Variants in ZNF350 observed in about 807,000 individuals in gnomAD.
ZNF350 encodes KRAB zinc finger protein ZFQR.
A neutral mutation model predicts 13.1 loss-of-function variants in ZNF350; 5 were observed. The ratio of observed to expected loss-of-function variants is 0.38; its 90% confidence interval spans 0.20 to 0.80. The LOEUF (loss-of-function observed/expected upper bound fraction) is 0.80. Among genes scored for constraint, ZNF350 ranks in the 30% least tolerant of loss-of-function variants. The pLI is 0.43. For synonymous variants in ZNF350, 199 were observed against 224.2 expected, an observed-to-expected ratio of 0.89 and a Z score of 1.00; for missense variants, 534 against 644.2, an observed-to-expected ratio of 0.83 and a Z score of 1.85.
chr19:51,972,540 T>C (rs1451013351), intron 2 of ZNF350, among the ~76,000 whole-genome samples: 3 of 152,132 alleles, frequency 2.0e-5, no homozygotes, highest in African/African-American at 7.2e-5. Context: ...ATCATTGGTC[T>C]TTGGATGTTC....
Position 51,976,120 on chromosome 19 carries a change from A to G in ZNF350, c.-171-1589T>C, listed in dbSNP as rs1016976123. On this transcript the variant is annotated intron_variant, in intron 1 of 4. Transcript: ENST00000243644. The surrounding 1 kb of genome is among the most constrained non-coding windows in gnomAD (Gnocchi z 4.5). ...GGCGCCGTTATCTACTGCGACATCT[A>G]GAGAATGCAGTCTTGCAAGACTACT... Among the ~76,000 whole-genome samples the G allele has an allele frequency of 4.7e-5, 7 of 148,278 alleles. No individual in the cohort carries two copies. Among genetic ancestry groups the G allele is most frequent in the African/African-American group, 1.8e-4 (7 of 39,886 alleles).
Position 51,972,393 on chromosome 19 carries a change from C to T in ZNF350, c.15+1953G>A, listed in dbSNP as rs1295152864. ...CCCCGCCACACACACACACACAAAACCTTTATGATCTTTTATCATTTTTCA... is the reference window on the plus strand; with the variant it reads ...CCCCGCCACACACACACACACAAAATCTTTATGATCTTTTATCATTTTTCA... On this transcript the variant is annotated intron_variant, in intron 2 of 4. Coordinates refer to ENST00000243644, the MANE Select transcript of ZNF350 (RefSeq NM_021632.4). Among the ~76,000 whole-genome samples the T allele has an allele frequency of 4.6e-5, 6 of 131,138 alleles. No individual in the cohort carries two copies. The East Asian group carries it at 1.6e-3, about 35-fold the overall frequency. 86.0% of individuals were successfully genotyped at this position (131,138 alleles called of 152,430 possible).
At chr19:51,969,215 C>G in intron 2 of ZNF350, 84 bp from the exon 3 acceptor site, 1 of 1,529,504 alleles carries the variant, frequency 6.5e-7, no homozygotes, top group South Asian at 1.2e-5. Context: ...CATTTCCACT[C>G]TACAGGCTGT....
At chr19:51,982,964 TG>T in intron 1 of ZNF350, among the ~76,000 whole-genome samples, 1 of 152,204 alleles carries the variant, frequency 6.6e-6, no homozygotes, top group East Asian at 1.9e-4. Context: ...GAGGAAGGTG[TG>T]GGGGAAAGAG....
chr19:51,967,380 G>C (rs2085609569), intron 4 of ZNF350: 1 of 151,996 alleles, frequency 6.6e-6, no homozygotes, highest in East Asian at 1.9e-4. Context: ...GCTCCAGCCT[G>C]GGCACAGAGC....
At chr19:51,984,454 A>G (rs1174114761) in intron 1 of ZNF350, among the ~76,000 whole-genome samples, 1 of 152,178 alleles carries the variant, frequency 6.6e-6, no homozygotes, top group African/African-American at 2.4e-5. Context: ...CACTTTAGAA[A>G]ACAGTTTGAC....
Position 51,965,904 on chromosome 19 carries a change from T to C in ZNF350, c.549A>G (p.Lys183=), listed in dbSNP as rs772430916. 1.9e-6 allele frequency: 3 copies of C among 1,614,066 alleles called. No homozygotes were observed. In the South Asian group the frequency reaches 3.3e-5, roughly 18 times the overall value. Residue 183 remains lysine, a synonymous_variant, in exon 5 of 5, where the codon AAA becomes AAG. Coordinates refer to ENST00000243644, the MANE Select transcript of ZNF350 (RefSeq NM_021632.4). The stretch of plus-strand genomic sequence containing the variant: ...TGAATTGGGACTTAGTGCTGATGAG[T>C]TTTTGACTTGCAGGGAATTTAATTG... ...HTAIKFPASQ[K]LISTKSQFIS...
Position 51,974,420 on chromosome 19 carries a change from C to A in ZNF350, c.-60G>T. 1 of 1,594,264 alleles carries A rather than the reference C, an allele frequency of 6.3e-7. No homozygotes were observed. Among genetic ancestry groups the A allele is most frequent in the Non-Finnish European group, 8.6e-7 (1 of 1,165,826 alleles). On this transcript the variant is annotated 5_prime_UTR_variant, in exon 2 of 5. Coordinates refer to ENST00000243644, the MANE Select transcript of ZNF350 (RefSeq NM_021632.4). ...GATGGTCTGTCTTTGTATCTTCTGG[C>A]CTTCTCTTCAGAAGTCTCAGTTTTC... is the stretch of plus-strand genomic sequence containing the variant.
Position 51,965,026 on chromosome 19 carries a change from C to T in ZNF350, c.1427G>A (p.Ser476Asn). ...SVAPQTSLNI[S>N]GLLANRNVVL... Reference sequence around the variant, plus strand: ...TACGTTCCTGTTTGCGAGGAGGCCGCTGATGTTTAATGATGTCTGAGGGGC... The same window carrying T: ...TACGTTCCTGTTTGCGAGGAGGCCGTTGATGTTTAATGATGTCTGAGGGGC... The change falls in exon 5 of 5, where the codon AGC (serine) becomes AAC (asparagine). Residue 476 changes from serine to asparagine, a missense_variant. Transcript: ENST00000243644. 6.2e-7 allele frequency: 1 copy of T among 1,614,186 alleles called. No homozygotes were observed. Among genetic ancestry groups the T allele is most frequent in the Non-Finnish European group, 8.5e-7 (1 of 1,180,040 alleles).
intron 3 of ZNF350, 120 bp downstream of exon 3, chr19:51,968,885 G>A: frequency 6.3e-7 from 1 of 1,596,994 alleles, no homozygotes; most frequent in Non-Finnish European, 8.6e-7. Context: ...GTGGGAGCAA[G>A]AGAAGGATCT....
intron 1 of ZNF350, chr19:51,984,293 T>C (rs1381091816): frequency 6.6e-6 from 1 of 151,966 alleles, no homozygotes; most frequent in Non-Finnish European, 1.5e-5. Context: ...TCAATTTCAA[T>C]GGTAGAAACA....
At chr19:51,968,469 G>T in intron 4 of ZNF350, 109 bp downstream of exon 4, 2 of 922,746 alleles carry the variant, frequency 2.2e-6, no homozygotes, top group South Asian at 1.3e-5. Flanking sequence ...GGAGACAGAT[G>T]AGTAGAGGAA....
In ZNF350 at chr19:51,964,768, A is replaced by T; in HGVS notation, c.*86T>A. ...TTATCAGGCTATCTCAGCCTTATACATGTTCTCTCAGTGTATGCTTTTCGG... is the reference window on the plus strand; with the variant it reads ...TTATCAGGCTATCTCAGCCTTATACTTGTTCTCTCAGTGTATGCTTTTCGG... On this transcript the variant is annotated 3_prime_UTR_variant, in exon 5 of 5. Transcript: ENST00000243644. 6.9e-7 allele frequency: 1 copy of T among 1,447,740 alleles called. No individual in the cohort carries two copies. Among genetic ancestry groups the T allele is most frequent in the Non-Finnish European group, 9.4e-7 (1 of 1,068,884 alleles). The allele number at this position is 1,447,740 out of a possible 1,614,324, so 89.7% of individuals were successfully genotyped here. A position where few individuals can be genotyped will look rare whatever the true frequency, so the allele number is the denominator to read the frequency against.
chr19:51,984,654 GA>G (rs926319538), intron 1 of ZNF350, among the ~76,000 whole-genome samples: 2 of 152,046 alleles, frequency 1.3e-5, no homozygotes, highest in Non-Finnish European at 2.9e-5. Flanking sequence ...ATTAATAATA[GA>G]AAAAACTGCT....
chr19:51,981,702 G>A (rs1337456363), intron 1 of ZNF350, among the ~76,000 whole-genome samples: 2 of 152,048 alleles, frequency 1.3e-5, no homozygotes, highest in Non-Finnish European at 2.9e-5. Flanking sequence ...AAATCCTAAA[G>A]AATTAACAGA....
At chr19:51,978,088 C>T (rs1247447097) in intron 1 of ZNF350, among the ~76,000 whole-genome samples, 1 of 152,166 alleles carries the variant, frequency 6.6e-6, no homozygotes, top group Non-Finnish European at 1.5e-5. Flanking sequence ...CAGTGCTGCT[C>T]AAAATTTCAT....
At chr19:51,966,274 TTTTTTTG>T in intron 4 of ZNF350, 60 bp from the exon 5 acceptor site, 1 of 1,437,844 alleles carries the variant, frequency 7.0e-7, no homozygotes, top group Middle Eastern at 1.8e-4. Flanking sequence ...TTTGTTGTGG[TTTTTTTG>T]TTTTTTTTGT....
intron 2 of ZNF350, among the ~76,000 whole-genome samples, chr19:51,972,289 CAATT>C (rs2085759980): frequency 8.4e-6 from 1 of 119,106 alleles, no homozygotes; most frequent in African/African-American, 3.2e-5. Flanking sequence ...GACCCCATCT[CAATT>C]AAAAAAAAAA....
chr19:51,972,927 C>T (rs2085782384), intron 2 of ZNF350: 1 of 152,048 alleles, frequency 6.6e-6, no homozygotes, highest in Non-Finnish European at 1.5e-5. Flanking sequence ...TAGGCATAAG[C>T]CACTGCACTC....
Sources: gnomAD v4.1 joint callset for allele counts (sites outside exome capture counted in the v4.1 genomes callset) on GRCh38, gnomAD v4.1.1 for gene constraint, Gnocchi (gnomAD v3.1) non-coding constraint, MANE v1.5 for transcripts, NCBI Gene and HGNC (gene_info 2026-07-23, HGNC 2026-07-21) for gene names.